The following CALN1 variants were observed in gnomAD, a reference collection of about 807,000 sequenced individuals.
The protein encoded by CALN1 is calcium-binding protein 8.
A neutral mutation model predicts 30.6 loss-of-function variants in CALN1; 17 were observed. That is an observed-to-expected ratio of 0.56 (90% CI 0.38 to 0.83). The LOEUF (loss-of-function observed/expected upper bound fraction) is 0.83, where lower values mean the gene tolerates loss of function less well. Ranked by LOEUF, CALN1 falls within the 40% of genes least tolerant of loss-of-function variation. The pLI is 0.00. For synonymous variants in CALN1, 156 were observed against 131.4 expected, an observed-to-expected ratio of 1.19 and a Z score of -1.28; for missense variants, 291 against 354.9, an observed-to-expected ratio of 0.82 and a Z score of 1.45.
At chr7:72,354,508 A>C (rs1803112349) in intron 2 of CALN1, among the ~76,000 whole-genome samples, 1 of 152,170 alleles carries the variant, frequency 6.6e-6, no homozygotes. Context: ...TTTTTCAGAG[A>C]AGTTGGAAAG....
chr7:71,821,547 A>T (rs1788589751), intron 5 of CALN1, among the ~76,000 whole-genome samples: 1 of 152,110 alleles, frequency 6.6e-6, no homozygotes, highest in South Asian at 2.1e-4. Context: ...GGTATGGGGG[A>T]AAACTGCCTC....
At chr7:71,946,367 C>CTTT (rs34207419) in intron 5 of CALN1, among the ~76,000 whole-genome samples, 12 of 128,652 alleles carry the variant, frequency 9.3e-5, no homozygotes, top group South Asian at 2.5e-4. Context: ...TTCTTTCTTT[C>CTTT]TTTTTTTTTT....
At chr7:72,478,728 T>A in the CALN1 span, among the ~76,000 whole-genome samples, 1 of 152,024 alleles carries the variant, frequency 6.6e-6, no homozygotes, top group African/African-American at 2.4e-5. Flanking sequence ...GAGTGTATCA[T>A]AAATAACCGG....
intron 5 of CALN1, among the ~76,000 whole-genome samples, chr7:72,018,246 T>C: frequency 6.6e-6 from 1 of 151,992 alleles, no homozygotes; most frequent in Non-Finnish European, 1.5e-5. Context: ...AAATAAATGG[T>C]GGAAAAGCAG....
At chr7:71,798,477 A>G (rs1031497169) in intron 6 of CALN1, among the ~76,000 whole-genome samples, 2 of 151,854 alleles carry the variant, frequency 1.3e-5, no homozygotes, top group African/African-American at 4.8e-5. Flanking sequence ...CTAATTTTTT[A>G]AAAAACTTTT....
At chr7:72,082,166 A>G (rs1477137727) in intron 4 of CALN1, among the ~76,000 whole-genome samples, 2 of 152,092 alleles carry the variant, frequency 1.3e-5, no homozygotes, top group African/African-American at 2.4e-5. Flanking sequence ...TTGTATTTTT[A>G]GTAGAGACAG....
chr7:71,946,704 G>A (rs1423773291), intron 5 of CALN1, among the ~76,000 whole-genome samples: 1 of 151,936 alleles, frequency 6.6e-6, no homozygotes, highest in Admixed American at 6.6e-5. Context: ...TCCCACATCT[G>A]TCATGAGGCA....
chr7:72,230,991 T>C (rs556828609), intron 3 of CALN1, among the ~76,000 whole-genome samples: 3 of 152,046 alleles, frequency 2.0e-5, no homozygotes, highest in Admixed American at 6.6e-5. Context: ...TCTTATACCA[T>C]CCCAAACTGC....
chr7:72,346,180 T>C (rs1802631535), intron 2 of CALN1, among the ~76,000 whole-genome samples: 1 of 152,192 alleles, frequency 6.6e-6, no homozygotes, highest in African/African-American at 2.4e-5. Flanking sequence ...AAAGGTCAAA[T>C]GGTAATTTGT....
intron 5 of CALN1, among the ~76,000 whole-genome samples, chr7:71,945,994 C>A (rs1272113766): frequency 1.3e-5 from 2 of 152,186 alleles, no homozygotes; most frequent in African/African-American, 4.8e-5. Flanking sequence ...TTCTGAAGGA[C>A]TTCCCCATGA....
At chr7:71,852,776 C>T (rs756940829) in intron 5 of CALN1, among the ~76,000 whole-genome samples, 6 of 152,074 alleles carry the variant, frequency 3.9e-5, no homozygotes, top group Non-Finnish European at 5.9e-5. Context: ...GGGTAACTCA[C>T]GGCTGTTTTA....
At chr7:72,120,274 A>G (rs933629420) in intron 3 of CALN1, among the ~76,000 whole-genome samples, 1 of 152,174 alleles carries the variant, frequency 6.6e-6, no homozygotes, top group African/African-American at 2.4e-5. Flanking sequence ...TAATATGCAA[A>G]TGTTCTTAAT....
In CALN1 at chr7:71,908,333, T is replaced by A. The variant is rs190862816; in HGVS notation, c.502-97841A>T. The stretch of plus-strand genomic sequence containing the variant: ...TTAAAATCATGGGCTTTAAAAAAAA[T>A]TTGGAATTATTTTTCTTCCAATTTA... On this transcript the variant is annotated intron_variant, in intron 5 of 6. Transcript: ENST00000395275. Among the ~76,000 whole-genome samples the A allele has an allele frequency of 4.7e-3, 723 of 152,282 alleles. 4 individuals carry two copies. The highest frequency in any genetic ancestry group is 0.02 in the Middle Eastern group (6 of 294).
intron 5 of CALN1, among the ~76,000 whole-genome samples, chr7:71,846,867 T>C (rs1790281086): frequency 2.0e-5 from 3 of 146,810 alleles, no homozygotes; most frequent in Admixed American, 6.9e-5. Flanking sequence ...TATATGTATG[T>C]ATATATAATA....
intron 2 of CALN1, among the ~76,000 whole-genome samples, chr7:72,390,731 A>G (rs1032646000): frequency 9.9e-5 from 15 of 152,182 alleles, no homozygotes; most frequent in Non-Finnish European, 2.1e-4. Flanking sequence ...CCCTAACAGC[A>G]CTTCAAAATT....
At chr7:71,915,099 C>G (rs59058667) in intron 5 of CALN1, among the ~76,000 whole-genome samples, 11,040 of 152,186 alleles carry the variant, frequency 0.073, 1,291 homozygotes, top group African/African-American at 0.25. Context: ...TCTCCACTGC[C>G]CTGGGTCTCT....
chr7:72,100,807 G>A (rs1220520230), intron 4 of CALN1, among the ~76,000 whole-genome samples: 12 of 115,842 alleles, frequency 1.0e-4, no homozygotes, highest in East Asian at 3.1e-4. Context: ...GCAACAGAGC[G>A]AGACTCCGTC....
chr7:71,960,204 A>T (rs895074025), intron 5 of CALN1, among the ~76,000 whole-genome samples: 1 of 151,834 alleles, frequency 6.6e-6, no homozygotes, highest in African/African-American at 2.4e-5. Flanking sequence ...AAAAAATAAA[A>T]TAAAAGCATA....
intron 3 of CALN1, among the ~76,000 whole-genome samples, chr7:72,272,394 T>A (rs1165297545): frequency 6.6e-6 from 1 of 151,976 alleles, no homozygotes; most frequent in Non-Finnish European, 1.5e-5. Flanking sequence ...AAAACCCATC[T>A]CTACCAAAAA....
Sources: allele counts gnomAD v4.1 joint callset (sites outside exome capture counted in the v4.1 genomes callset), GRCh38; gene constraint gnomAD v4.1.1; transcripts MANE v1.5; gene names NCBI Gene and HGNC (gene_info 2026-07-23, HGNC 2026-07-21).